SURF1: variants seen among roughly 807,000 people sequenced by gnomAD.
SURF1 encodes the protein surfeit locus protein 1.
SURF1 carries 45 observed loss-of-function variants against 34.1 expected under a neutral mutation model. That is an observed-to-expected ratio of 1.32 (90% CI 1.04 to 1.69). The LOEUF is 1.69. SURF1 is among the 40% of genes most tolerant of loss of function. The probability of loss-of-function intolerance (pLI) is 0.00; values close to 1 mark genes in which losing one functional copy is unlikely to be tolerated. For synonymous variants in SURF1, 188 were observed against 147.5 expected (o/e 1.27, Z -1.99); for missense variants, 456 against 384.6 (o/e 1.19, Z -1.55).
intron 4 of SURF1, chr9:133,354,320 T>C (rs1836511946): frequency 1.6e-5 from 8 of 487,822 alleles, no homozygotes; most frequent in Admixed American, 3.3e-5. Flanking sequence ...GGGCACTTTT[T>C]CAAACGACCA....
chr9:133,354,814 C>T lies in SURF1; in HGVS notation c.240+10G>A, dbSNP rs2130018860. 7.4e-6 allele frequency: 12 copies of T among 1,613,620 alleles called. No homozygotes were observed. The highest frequency in any genetic ancestry group is 1.1e-5 in the South Asian group (1 of 91,082). On this transcript the variant is annotated intron_variant, in intron 3 of 8. Coordinates refer to ENST00000371974, the MANE Select transcript of SURF1 (RefSeq NM_003172.4). Reference sequence around the variant, plus strand: ...GCCCAGAGTTACGCACACCAGATGCCGGTCTTTACCTGCCATGTCCCCAAG... The same window carrying T: ...GCCCAGAGTTACGCACACCAGATGCTGGTCTTTACCTGCCATGTCCCCAAG...
chr9:133,354,063 T>C, intron 4 of SURF1, 123 bp from the exon 5 acceptor site: 1 of 1,093,722 alleles, frequency 9.1e-7, no homozygotes, highest in Non-Finnish European at 1.4e-6. Flanking sequence ...GGGCGTGCTC[T>C]TCAAAGGGGA....
At position 133,356,274 on chromosome 9, in the gene SURF1, C is replaced by G; in HGVS notation, c.101G>C (p.Arg34Pro). The change falls in exon 2 of 9, where the codon CGC becomes CCC. Residue 34 changes from arginine (R) to proline (P), a missense_variant. Coordinates refer to ENST00000371974, the MANE Select transcript of SURF1 (RefSeq NM_003172.4). ...AWRSVLRVSPRPGVAWRPSRC... is the reference protein window; with the variant it reads ...AWRSVLRVSPPPGVAWRPSRC... ...GCCCGGCCTGCAGCCCTCACCTGGG[C>G]GCGGGGAGACCCTGAGGACGCTCCT... 1 of 1,532,860 alleles carries G rather than the reference C, an allele frequency of 6.5e-7. No homozygotes were observed. The highest frequency in any genetic ancestry group is 8.7e-7 in the Non-Finnish European group (1 of 1,146,066). The allele number at this position is 1,532,860 out of a possible 1,614,324, so 95.0% of individuals were successfully genotyped here. A position where few individuals can be genotyped will look rare whatever the true frequency, so the allele number is the denominator to read the frequency against.
chr9:133,356,146 G>A lies in SURF1; in HGVS notation c.106+123C>T, dbSNP rs150908336. ...TTAATACGGAACTTGTCACTCCCAGGGAGCCTCCGCTCAGCCGGCAGTTGG... is the reference window on the plus strand; with the variant it reads ...TTAATACGGAACTTGTCACTCCCAGAGAGCCTCCGCTCAGCCGGCAGTTGG... On this transcript the variant is annotated intron_variant, in intron 2 of 8. Transcript: ENST00000371974. The A allele has an allele frequency of 2.9e-3, 3,689 of 1,287,728 alleles. 35 individuals carry two copies. The African/African-American group carries it at 0.031, about 11-fold the overall frequency. The allele number at this position is 1,287,728 out of a possible 1,614,324, so 79.8% of individuals were successfully genotyped here.
chr9:133,354,282 T>A (rs1836510930), intron 4 of SURF1: 2 of 492,280 alleles, frequency 4.1e-6, no homozygotes, highest in Non-Finnish European at 7.4e-6. Flanking sequence ...TAGGGCATAT[T>A]CTAGGGAGAG....
At chr9:133,354,126 A>G in intron 4 of SURF1, 186 bp from the exon 5 acceptor site, 2 of 693,090 alleles carry the variant, frequency 2.9e-6, no homozygotes, top group South Asian at 1.6e-5. Flanking sequence ...CCAACTTTAC[A>G]AGAGAGGCTA....
Position 133,356,414 on chromosome 9 carries a change from C to T in SURF1, c.40G>A (p.Ala14Thr), listed in dbSNP as rs2130026566. The change falls in exon 1 of 9, where the codon GCG becomes ACG. Residue 14 changes from alanine (A) to threonine (T), a missense_variant. Physicochemically the swap from Ala to Thr is moderately conservative, Grantham distance 58. Transcript: ENST00000371974. The stretch of plus-strand genomic sequence containing the variant: ...CCGGCGCTCACCCGTCCCAGCCCCG[C>T]CGCCCGCAGCCCCAGCTGCAACGCA... ...VAALQLGLRA[A>T]GLGRAPASAA... 2.2e-6 allele frequency: 3 copies of T among 1,383,912 alleles called. No individual in the cohort carries two copies. The highest frequency in any genetic ancestry group is 2.8e-6 in the Non-Finnish European group (3 of 1,071,126). The allele number at this position is 1,383,912 out of a possible 1,614,324, so 85.7% of individuals were successfully genotyped here. A position where few individuals can be genotyped will look rare whatever the true frequency, so the allele number is the denominator to read the frequency against.
At position 133,352,389 on chromosome 9, in the gene SURF1, G is replaced by A. The variant is rs2130006528; in HGVS notation, c.751+57C>T. The A allele has an allele frequency of 9.9e-6, 16 of 1,613,048 alleles. No individual in the cohort carries two copies. The Admixed American group carries it at 1.5e-4, about 15-fold the overall frequency. The stretch of plus-strand genomic sequence containing the variant: ...AGTGACTGGGCAATGAGGGTTAGGA[G>A]GAAGGACAGTATTCACAAAAGCTAC... On this transcript the variant is annotated intron_variant, in intron 7 of 8. Coordinates refer to ENST00000371974, the MANE Select transcript of SURF1 (RefSeq NM_003172.4).
intron 2 of SURF1, 93 bp downstream of exon 2, chr9:133,356,176 T>C (rs1310757961): frequency 5.4e-6 from 8 of 1,488,290 alleles, no homozygotes; most frequent in Non-Finnish European, 7.2e-6. Flanking sequence ...AGTTGGTTCA[T>C]TTCAATCCCC....
chr9:133,354,132 G>C (rs1273113577), intron 4 of SURF1, 192 bp from the exon 5 acceptor site: 1 of 685,420 alleles, frequency 1.5e-6, no homozygotes, highest in African/African-American at 1.8e-5. Context: ...TTACAAGAGA[G>C]GCTAAAAATC....
At chr9:133,352,303 T>C in intron 7 of SURF1, 143 bp downstream of exon 7, 1 of 1,452,156 alleles carries the variant, frequency 6.9e-7, no homozygotes. Flanking sequence ...GCCTAGGTTC[T>C]TTGCTGAGTT....
chr9:133,351,821 G>T lies in SURF1; in HGVS notation c.*92C>A. The T allele has an allele frequency of 7.1e-7, 1 of 1,400,074 alleles. No individual in the cohort carries two copies. Among genetic ancestry groups the T allele is most frequent in the Non-Finnish European group, 9.9e-7 (1 of 1,006,584 alleles). The allele number at this position is 1,400,074 out of a possible 1,614,324, so 86.7% of individuals were successfully genotyped here. A position where few individuals can be genotyped will look rare whatever the true frequency, so the allele number is the denominator to read the frequency against. ...GTCATGAGCTCATTTAAGGTAGAAG[G>T]CCAGAACTTTATACCAGTAGCACAT... On this transcript the variant is annotated 3_prime_UTR_variant, in exon 9 of 9. Transcript: ENST00000371974.
chr9:133,353,162 T>C (rs959616649), intron 5 of SURF1, among the ~76,000 whole-genome samples: 3 of 152,198 alleles, frequency 2.0e-5, no homozygotes, highest in African/African-American at 7.2e-5. Context: ...GGAGCAGCCC[T>C]GGCACCCCAG....
chr9:133,354,190 G>A (rs1485127799), intron 4 of SURF1: 1 of 580,438 alleles, frequency 1.7e-6, no homozygotes, highest in Admixed American at 2.8e-5. Context: ...AAATATGTGG[G>A]CCAAAACCCC....
chr9:133,352,375 A>G, intron 7 of SURF1, 71 bp downstream of exon 7: 3 of 1,609,828 alleles, frequency 1.9e-6, no homozygotes, highest in Non-Finnish European at 1.7e-6. Context: ...GTGACTGGGC[A>G]ATGAGGGTTA....
intron 2 of SURF1, among the ~76,000 whole-genome samples, chr9:133,355,814 A>ATT (rs71503341): frequency 9.2e-5 from 13 of 141,650 alleles, no homozygotes; most frequent in African/African-American, 1.0e-4. Context: ...TGCGGATACT[A>ATT]TTTTTTTTTT....
intron 7 of SURF1, 111 bp downstream of exon 7, chr9:133,352,335 T>C (rs1016486770): frequency 1.3e-6 from 2 of 1,563,868 alleles, no homozygotes; most frequent in Non-Finnish European, 1.8e-6. Flanking sequence ...CCACCCGCCA[T>C]ATACACATGT....
chr9:133,354,616 A>G, intron 4 of SURF1, 43 bp downstream of exon 4: 1 of 1,609,186 alleles, frequency 6.2e-7, no homozygotes, highest in Non-Finnish European at 8.5e-7. Context: ...TCTGCTGTTG[A>G]ACTCAAGTAA....
rs1836579970 is a variant in SURF1 at position 133,356,269 on chromosome 9, C to T, written c.106G>A (p.Gly36Arg). 2 of 1,533,118 alleles carry T rather than the reference C, an allele frequency of 1.3e-6. No individual in the cohort carries two copies. Among genetic ancestry groups the T allele is most frequent in the African/African-American group, 1.4e-5 (1 of 72,906 alleles). 95.0% of individuals were successfully genotyped at this position (1,533,118 alleles called of 1,614,324 possible). The change falls in exon 2 of 9, where the codon GGG (glycine) becomes AGG (arginine). Residue 36 changes from glycine to arginine, a missense_variant and splice_region_variant. Gly to Arg is a moderately radical substitution (Grantham distance 125). Coordinates refer to ENST00000371974, the MANE Select transcript of SURF1 (RefSeq NM_003172.4). ...TCACAGCCCGGCCTGCAGCCCTCAC[C>T]TGGGCGCGGGGAGACCCTGAGGACG... Reference protein sequence around the residue: ...RSVLRVSPRPGVAWRPSRCGS... With the variant: ...RSVLRVSPRPRVAWRPSRCGS...
Sources: gnomAD v4.1 joint callset for allele counts (sites outside exome capture counted in the v4.1 genomes callset) on GRCh38, gnomAD v4.1.1 for gene constraint, MANE v1.5 for transcripts, NCBI Gene and HGNC (gene_info 2026-07-23, HGNC 2026-07-21) for gene names.